The following MCUB variants were observed in gnomAD, a reference collection of about 807,000 sequenced individuals.
MCUB encodes the protein mitochondrial calcium uniporter dominant negative subunit beta.
MCUB carries 46 observed loss-of-function variants against 41.4 expected under a neutral mutation model. The ratio of observed to expected loss-of-function variants is 1.11; its 90% CI spans 0.88 to 1.42. MCUB has a LOEUF of 1.42. Ranked by LOEUF, MCUB falls within the 40% of genes most tolerant of loss-of-function variation. MCUB has a pLI of 0.00. For synonymous variants in MCUB, 148 were observed against 148.2 expected, an observed-to-expected ratio of 1.00 and a Z score of 0.01; for missense variants, 403 against 404.9, an observed-to-expected ratio of 1.00 and a Z score of 0.04.
chr4:109,673,805 G>A (rs1054758586), intron 4 of MCUB: 13 of 660,304 alleles, frequency 2.0e-5, no homozygotes, highest in African/African-American at 1.8e-4. Flanking sequence ...GCGGGTGAGA[G>A]GTTTTTTCGC....
Position 109,684,314 on chromosome 4 carries a change from G to C in MCUB, c.613-129G>C. 6.6e-6 allele frequency: 4 copies of C among 609,672 alleles called. No individual in the cohort carries two copies. The East Asian group carries it at 1.2e-4, about 18-fold the overall frequency. 37.8% of individuals were successfully genotyped at this position (609,672 alleles called of 1,614,324 possible). ...CCTGACCTCGTGATCCGCCCACCTCGGCCTCCCAGAGTGCTGAGATTACAG... is the reference window on the plus strand; with the variant it reads ...CCTGACCTCGTGATCCGCCCACCTCCGCCTCCCAGAGTGCTGAGATTACAG... On this transcript the variant is annotated intron_variant, in intron 5 of 7. Coordinates refer to ENST00000394650, the MANE Select transcript of MCUB (RefSeq NM_017918.5).
chr4:109,686,491 TATA>T (rs1446056109), intron 7 of MCUB, among the ~76,000 whole-genome samples: 3 of 152,180 alleles, frequency 2.0e-5, no homozygotes, highest in Admixed American at 1.3e-4. Flanking sequence ...ATAGGAAAAA[TATA>T]ATGCTTTTAA....
intron 1 of MCUB, among the ~76,000 whole-genome samples, chr4:109,575,059 A>C (rs1726996837): frequency 6.6e-6 from 1 of 152,204 alleles, no homozygotes. Context: ...GCAGGTCAGA[A>C]TGGAAGCTGA....
At chr4:109,565,870 C>G (rs1561210356) in intron 1 of MCUB, among the ~76,000 whole-genome samples, 1 of 146,498 alleles carries the variant, frequency 6.8e-6, no homozygotes, top group Non-Finnish European at 1.5e-5. Context: ...CAGGGTCATG[C>G]TCTTGTTGCC....
chr4:109,600,909 C>T (rs1160107937), intron 1 of MCUB, among the ~76,000 whole-genome samples: 1 of 152,072 alleles, frequency 6.6e-6, no homozygotes, highest in Admixed American at 6.5e-5. Context: ...ATTGTCCTGC[C>T]ATAGCCTCCC....
intron 4 of MCUB, chr4:109,673,737 A>G (rs1729510139): frequency 1.9e-6 from 1 of 517,426 alleles, no homozygotes; most frequent in Non-Finnish European, 3.4e-6. Context: ...GTTCACAAGG[A>G]AGACACATAA....
intron 1 of MCUB, among the ~76,000 whole-genome samples, chr4:109,637,064 A>G (rs1000374819): frequency 2.0e-5 from 3 of 152,222 alleles, no homozygotes; most frequent in Non-Finnish European, 2.9e-5. Flanking sequence ...TGTTCAAGTC[A>G]TTTAGCTATG....
intron 3 of MCUB, 43 bp downstream of exon 3, chr4:109,660,408 G>C: frequency 8.6e-7 from 1 of 1,159,774 alleles, no homozygotes; most frequent in Non-Finnish European, 1.2e-6. Context: ...CAGGGTTTCT[G>C]TCTCTCCTGA....
chr4:109,664,259 G>T (rs371361066), intron 3 of MCUB, 31 bp from the exon 4 acceptor site: 6 of 1,031,212 alleles, frequency 5.8e-6, no homozygotes, highest in Non-Finnish European at 9.2e-6. Context: ...CTAAAACAAA[G>T]ACATGCTCAT....
At chr4:109,573,583 AG>A (rs1343313885) in intron 1 of MCUB, among the ~76,000 whole-genome samples, 1 of 152,206 alleles carries the variant, frequency 6.6e-6, no homozygotes, top group Non-Finnish European at 1.5e-5. Flanking sequence ...TTGTGTACAA[AG>A]GATCTGGAAG....
chr4:109,681,968 T>C (rs1321147596), intron 4 of MCUB, among the ~76,000 whole-genome samples: 2 of 152,240 alleles, frequency 1.3e-5, no homozygotes, highest in Non-Finnish European at 2.9e-5. Flanking sequence ...CTCGAATGCC[T>C]GGTTTTATAT....
intron 1 of MCUB, among the ~76,000 whole-genome samples, chr4:109,603,169 C>T (rs367641529): frequency 4.4e-4 from 67 of 152,230 alleles, no homozygotes; most frequent in African/African-American, 4.1e-4. Context: ...TGTACTGACA[C>T]GATCTCGGCT....
chr4:109,653,731 A>AT (rs1729015691), intron 1 of MCUB, among the ~76,000 whole-genome samples: 1 of 152,034 alleles, frequency 6.6e-6, no homozygotes, highest in African/African-American at 2.4e-5. Flanking sequence ...CCTGCACCCT[A>AT]TATCCAGCTA....
intron 3 of MCUB, 36 bp downstream of exon 3, chr4:109,660,401 G>C: frequency 5.6e-6 from 7 of 1,259,676 alleles, no homozygotes; most frequent in Non-Finnish European, 7.8e-6. Flanking sequence ...TTTGTCCCAG[G>C]GTTTCTGTCT....
At chr4:109,668,139 G>C (rs1378930911) in intron 4 of MCUB, among the ~76,000 whole-genome samples, 2 of 152,090 alleles carry the variant, frequency 1.3e-5, no homozygotes, top group African/African-American at 4.8e-5. Context: ...TAGATGTCAC[G>C]TTTATCTCAG....
intron 1 of MCUB, among the ~76,000 whole-genome samples, 158 bp downstream of exon 1, chr4:109,560,594 C>T (rs1314483660): frequency 6.6e-6 from 1 of 152,170 alleles, no homozygotes; most frequent in Non-Finnish European, 1.5e-5. Context: ...AGGTGGTGGC[C>T]GGGCGGCCGA....
intron 1 of MCUB, among the ~76,000 whole-genome samples, chr4:109,576,993 A>C (rs1322363464): frequency 6.6e-6 from 1 of 152,092 alleles, no homozygotes; most frequent in East Asian, 1.9e-4. Context: ...ATGGGATTAC[A>C]AGCATGTGCC....
intron 1 of MCUB, among the ~76,000 whole-genome samples, chr4:109,640,436 G>A (rs1728689975): frequency 1.3e-5 from 2 of 152,200 alleles, no homozygotes; most frequent in African/African-American, 4.8e-5. Context: ...CCAATGCAAG[G>A]CAGTATTGGA....
At chr4:109,646,258 A>G (rs1203124346) in intron 1 of MCUB, among the ~76,000 whole-genome samples, 2 of 152,086 alleles carry the variant, frequency 1.3e-5, no homozygotes, top group Non-Finnish European at 2.9e-5. Context: ...AACTAAATTG[A>G]TCTAGAACAA....
Sources: gnomAD v4.1 joint callset for allele counts (sites outside exome capture counted in the v4.1 genomes callset) on GRCh38, gnomAD v4.1.1 for gene constraint, MANE v1.5 for transcripts, NCBI Gene and HGNC (gene_info 2026-07-23, HGNC 2026-07-21) for gene names.